Variants in PRKN observed in about 807,000 individuals in gnomAD.
PRKN encodes E3 ubiquitin-protein ligase parkin.
A neutral mutation model predicts 59.5 loss-of-function variants in PRKN; 56 were observed. The observed-to-expected ratio is 0.94, with a 90% confidence interval of 0.76 to 1.18. The LOEUF (loss-of-function observed/expected upper bound fraction) is 1.18. Among genes scored for constraint, PRKN ranks in the 50% most tolerant of loss-of-function variants. PRKN has a pLI of 0.00. For missense variants in PRKN, 657 were observed against 596.4 expected (o/e 1.10, Z -1.06); for synonymous variants, 250 against 222.1 (o/e 1.13, Z -1.12).
intron 3 of PRKN, among the ~76,000 whole-genome samples, chr6:162,204,018 C>G (rs1423301390): frequency 6.6e-6 from 1 of 152,166 alleles, no homozygotes; most frequent in East Asian, 1.9e-4. Context: ...GCTGTGTACA[C>G]ATATACTACA....
rs78999353 is a variant in PRKN at position 162,171,781 on chromosome 6, T to C, written c.534+29350A>G. 4.3e-3 allele frequency among the ~76,000 whole-genome samples: 655 copies of C among 152,284 alleles called. 6 individuals are homozygous for C. The highest frequency in any genetic ancestry group is 0.015 in the African/African-American group (630 of 41,548). The stretch of plus-strand genomic sequence containing the variant: ...ATAACTTGGCTATTGCTACATTACA[T>C]GGTGCATTTGCCTATGTGTATACTT... On this transcript the variant is annotated intron_variant, in intron 4 of 11. Coordinates refer to ENST00000366898, the MANE Select transcript of PRKN (RefSeq NM_004562.3).
At chr6:161,970,630 C>T (rs1268642728) in intron 6 of PRKN, among the ~76,000 whole-genome samples, 4 of 151,776 alleles carry the variant, frequency 2.6e-5, no homozygotes, top group East Asian at 1.9e-4. Flanking sequence ...CTCCACCTCC[C>T]GGATTCGAGT....
At chr6:162,320,425 A>C (rs968727485) in intron 2 of PRKN, among the ~76,000 whole-genome samples, 2 of 149,464 alleles carry the variant, frequency 1.3e-5, no homozygotes, top group Non-Finnish European at 3.0e-5. Context: ...AAACCAAAAA[A>C]AAAAAAAACC....
At chr6:161,650,060 C>T (rs919469574) in intron 7 of PRKN, among the ~76,000 whole-genome samples, 1 of 152,166 alleles carries the variant, frequency 6.6e-6, no homozygotes, top group Non-Finnish European at 1.5e-5. Flanking sequence ...TGTGATGACG[C>T]CCAGATCATA....
chr6:162,286,342 T>G (rs150910404), intron 2 of PRKN, among the ~76,000 whole-genome samples: 18 of 152,336 alleles, frequency 1.2e-4, no homozygotes, highest in Non-Finnish European at 1.9e-4. Context: ...AGCCTTGATC[T>G]TCATGTTTTC....
chr6:161,919,735 C>T (rs1778708234), intron 6 of PRKN, among the ~76,000 whole-genome samples: 1 of 152,098 alleles, frequency 6.6e-6, no homozygotes, highest in South Asian at 2.1e-4. Context: ...AGAGCAAATG[C>T]TCACAGTGAA....
intron 1 of PRKN, among the ~76,000 whole-genome samples, chr6:162,444,051 G>A (rs12214312): frequency 0.25 from 37,291 of 151,736 alleles, 4,578 homozygotes; most frequent in African/African-American, 0.27. Context: ...GGGAGGGGGT[G>A]GAGACACTAG....
In PRKN at chr6:161,548,951, C is replaced by T. The variant is rs774445597; in HGVS notation, c.986G>A (p.Gly329Asp). ...GAEECVLQMG[G>D]VLCPRPGCGA... is the part of the protein sequence containing the mutation. The stretch of plus-strand genomic sequence containing the variant: ...ACAGCCAGGGCGGGGGCATAACACG[C>T]CCCCCATCTGCAGGACACACTCCTC... The change falls in exon 9 of 12, where the codon GGC becomes GAC. Residue 329 changes from glycine to aspartate, a missense_variant. Physicochemically the swap from Gly to Asp is moderately conservative, Grantham distance 94. Transcript: ENST00000366898. This position sits in a 1 kb window ranked among gnomAD's most constrained non-coding sequence, Gnocchi z 4.2. 12 of 1,614,052 alleles carry T rather than the reference C, an allele frequency of 7.4e-6. No homozygotes were observed. The South Asian group carries it at 1.2e-4, about 16-fold the overall frequency.
At chr6:161,493,731 A>G (rs766104491) in intron 9 of PRKN, among the ~76,000 whole-genome samples, 4 of 152,252 alleles carry the variant, frequency 2.6e-5, no homozygotes, top group Non-Finnish European at 4.4e-5. Flanking sequence ...AGGGTGAAAC[A>G]GAACGACGTG....
chr6:161,911,385 C>G (rs1778354845), intron 6 of PRKN, among the ~76,000 whole-genome samples: 1 of 152,188 alleles, frequency 6.6e-6, no homozygotes. Context: ...CACACTTTTA[C>G]TGTTTTCAAC....
intron 2 of PRKN, among the ~76,000 whole-genome samples, chr6:162,315,154 A>C (rs1429809700): frequency 6.6e-6 from 1 of 152,078 alleles, no homozygotes; most frequent in South Asian, 2.1e-4. Flanking sequence ...CAAACAAATG[A>C]AGTGTGTATA....
chr6:162,292,381 T>C (rs1781475630), intron 2 of PRKN, among the ~76,000 whole-genome samples: 1 of 152,150 alleles, frequency 6.6e-6, no homozygotes, highest in African/African-American at 2.4e-5. Context: ...TGATATATTT[T>C]CTTTTGTCAT....
At chr6:161,997,347 G>C (rs552575807) in intron 5 of PRKN, among the ~76,000 whole-genome samples, 4 of 152,068 alleles carry the variant, frequency 2.6e-5, no homozygotes, top group African/African-American at 9.6e-5. Flanking sequence ...CAGCCTCCTG[G>C]GGTTCTGTTG....
At chr6:161,358,859 A>G (rs1294119827) in intron 11 of PRKN, among the ~76,000 whole-genome samples, 1 of 137,370 alleles carries the variant, frequency 7.3e-6, no homozygotes, top group Non-Finnish European at 1.5e-5. Flanking sequence ...CAGTGGTGCA[A>G]TCTCGGCTCA....
At chr6:162,304,006 A>G (rs1274711097) in intron 2 of PRKN, among the ~76,000 whole-genome samples, 3 of 152,148 alleles carry the variant, frequency 2.0e-5, no homozygotes, top group Non-Finnish European at 2.9e-5. Context: ...AAGGCAGGAC[A>G]ATCCTATAAC....
At chr6:161,902,349 T>C (rs1777949153) in intron 6 of PRKN, among the ~76,000 whole-genome samples, 1 of 152,104 alleles carries the variant, frequency 6.6e-6, no homozygotes, top group African/African-American at 2.4e-5. Context: ...GAGAGAAGAC[T>C]GCTGTGTAGT....
In PRKN at chr6:161,580,093, G is replaced by A. The variant is rs114230544; in HGVS notation, c.872-10677C>T. ...AATAAAACAAAAATCCAATTTAAAAGACAACTAATAGCTTCTATGATGCGG... is the reference window on the plus strand; with the variant it reads ...AATAAAACAAAAATCCAATTTAAAAAACAACTAATAGCTTCTATGATGCGG... On this transcript the variant is annotated intron_variant, in intron 7 of 11. Coordinates refer to ENST00000366898, the MANE Select transcript of PRKN (RefSeq NM_004562.3). Among the ~76,000 whole-genome samples, 1,197 of 152,276 alleles carry A rather than the reference G, an allele frequency of 7.9e-3. 13 individuals carry two copies. The highest frequency in any genetic ancestry group is 0.027 in the African/African-American group (1,125 of 41,542).
At chr6:162,495,028 AG>A (rs776414519) in intron 1 of PRKN, among the ~76,000 whole-genome samples, 1 of 152,154 alleles carries the variant, frequency 6.6e-6, no homozygotes, top group East Asian at 1.9e-4. Context: ...CTGTCACTGA[AG>A]GAAAACATCA....
chr6:162,107,609 C>G (rs918397448), intron 4 of PRKN, among the ~76,000 whole-genome samples: 5 of 152,138 alleles, frequency 3.3e-5, no homozygotes, highest in African/African-American at 1.2e-4. Flanking sequence ...TAACACTGAC[C>G]AGGAGAGGTA....
Sources: gnomAD v4.1 joint callset for allele counts (sites outside exome capture counted in the v4.1 genomes callset) on GRCh38, gnomAD v4.1.1 for gene constraint, Gnocchi (gnomAD v3.1) non-coding constraint, MANE v1.5 for transcripts, NCBI Gene and HGNC (gene_info 2026-07-23, HGNC 2026-07-21) for gene names.